Variants in HEXB observed in about 807,000 individuals in gnomAD.
The protein encoded by HEXB is hexosaminidase subunit beta, also known as beta-hexosaminidase subunit beta.
Under a neutral mutation model 71.2 loss-of-function variants are expected in HEXB, and 51 were observed. The ratio of observed to expected loss-of-function variants is 0.72; its 90% confidence interval spans 0.57 to 0.90. HEXB has a LOEUF of 0.90. Ranked by LOEUF, HEXB falls within the 40% of genes least tolerant of loss-of-function variation. The probability of loss-of-function intolerance (pLI) is 0.00; values close to 1 mark genes in which losing one functional copy is unlikely to be tolerated. For synonymous variants in HEXB, 266 were observed against 249.3 expected (o/e 1.07, Z -0.63); for missense variants, 617 against 677.0 (o/e 0.91, Z 0.98).
At chr5:74,674,738 G>A (rs978601700) in intron 1 of HEXB, among the ~76,000 whole-genome samples, 2 of 152,038 alleles carry the variant, frequency 1.3e-5, no homozygotes, top group Non-Finnish European at 2.9e-5. Flanking sequence ...GAAGTTGTAA[G>A]CATATGTGAT....
intron 1 of HEXB, among the ~76,000 whole-genome samples, chr5:74,650,787 G>A (rs184298355): frequency 2.6e-4 from 39 of 151,876 alleles, no homozygotes; most frequent in Non-Finnish European, 4.0e-4. Flanking sequence ...TTAGCTGGGC[G>A]TGGTGGTGGG....
chr5:74,682,327 C>T (rs2112117179), upstream of HEXB, among the ~76,000 whole-genome samples: 1 of 152,328 alleles, frequency 6.6e-6, no homozygotes, highest in Non-Finnish European at 1.5e-5. Flanking sequence ...CACTGCGCCC[C>T]AGCCTGGGCG....
At chr5:74,645,955 A>AT (rs11413881) in intron 1 of HEXB, among the ~76,000 whole-genome samples, 122,493 of 150,992 alleles carry the variant, frequency 0.81, 50,073 homozygotes, top group African/African-American at 0.92. Context: ...TCTGCATACT[A>AT]TTTTTTTTTA....
chr5:74,663,443 G>A (rs574257618), intron 1 of HEXB, among the ~76,000 whole-genome samples: 13 of 152,136 alleles, frequency 8.5e-5, no homozygotes, highest in African/African-American at 2.4e-4. Context: ...CACCCGCCTC[G>A]GCCTCCCAAA....
chr5:74,693,209 T>C (rs2112135251), intron 2 of HEXB, among the ~76,000 whole-genome samples: 1 of 152,294 alleles, frequency 6.6e-6, no homozygotes, highest in East Asian at 1.9e-4. Flanking sequence ...CAAGGATTAG[T>C]AGGAACTGAG....
At chr5:74,678,273 G>T (rs565363461) in intron 1 of HEXB, among the ~76,000 whole-genome samples, 1 of 151,672 alleles carries the variant, frequency 6.6e-6, no homozygotes, top group East Asian at 1.9e-4. Flanking sequence ...ACTCCAGCCT[G>T]GGCAACAAGA....
chr5:74,685,868 G>T (rs1441892351), intron 1 of HEXB, among the ~76,000 whole-genome samples: 1 of 152,102 alleles, frequency 6.6e-6, no homozygotes, highest in Non-Finnish European at 1.5e-5. Flanking sequence ...GAGCTGGGGA[G>T]GAAAGTGACA....
intron 6 of HEXB, among the ~76,000 whole-genome samples, chr5:74,712,044 A>G (rs1397673382): frequency 6.8e-6 from 1 of 146,452 alleles, no homozygotes; most frequent in Non-Finnish European, 1.5e-5. Context: ...ATGTCCAACA[A>G]TGATAGACTG....
At chr5:74,679,539 G>A (rs1748699089) in intron 1 of HEXB, among the ~76,000 whole-genome samples, 2 of 152,116 alleles carry the variant, frequency 1.3e-5, no homozygotes, top group South Asian at 2.1e-4. Flanking sequence ...GGTGGCTCAT[G>A]CCTATAATTC....
At chr5:74,714,626 A>T (rs904348959) in intron 7 of HEXB, among the ~76,000 whole-genome samples, 7 of 152,202 alleles carry the variant, frequency 4.6e-5, no homozygotes, top group Non-Finnish European at 7.3e-5. Context: ...CTGCCATTAT[A>T]AACTAGGTGA....
At chr5:74,697,658 G>T (rs533329098) in intron 5 of HEXB, among the ~76,000 whole-genome samples, 3 of 150,506 alleles carry the variant, frequency 2.0e-5, no homozygotes, top group African/African-American at 7.3e-5. Context: ...CCCTCCCCGG[G>T]TGGAGGTTGC....
intron 11 of HEXB, among the ~76,000 whole-genome samples, chr5:74,719,287 T>A (rs1216836535): frequency 6.6e-6 from 1 of 152,182 alleles, no homozygotes; most frequent in Admixed American, 6.5e-5. Flanking sequence ...TCTAAAGGTA[T>A]TTGATTGCAT....
upstream of HEXB, chr5:74,685,199 G>A (rs1045177384): frequency 1.4e-5 from 20 of 1,437,708 alleles, no homozygotes; most frequent in Non-Finnish European, 1.8e-5. Context: ...ATCCGGGCCG[G>A]GCGGGAAGTC....
At chr5:74,655,394 C>A (rs1748199735) in intron 1 of HEXB, among the ~76,000 whole-genome samples, 1 of 147,380 alleles carries the variant, frequency 6.8e-6, no homozygotes, top group African/African-American at 2.5e-5. Context: ...GCCACTGCAA[C>A]CTCCATATAC....
intron 1 of HEXB, among the ~76,000 whole-genome samples, chr5:74,643,761 A>G (rs1561198309): frequency 6.6e-6 from 1 of 152,204 alleles, no homozygotes; most frequent in Non-Finnish European, 1.5e-5. Flanking sequence ...CGGTGCGATC[A>G]TGGTACCAGG....
intron 1 of HEXB, among the ~76,000 whole-genome samples, chr5:74,667,240 C>T (rs1314171848): frequency 7.1e-6 from 1 of 140,756 alleles, no homozygotes; most frequent in African/African-American, 2.7e-5. Context: ...AATGGAGAAA[C>T]CCTGCTCTAC....
chr5:74,641,608 G>A lies in HEXB; in HGVS notation c.-377+1050G>A, dbSNP rs1747891933. Among the ~76,000 whole-genome samples, 1 of 152,194 alleles carries A rather than the reference G, an allele frequency of 6.6e-6. No homozygotes were observed. Among genetic ancestry groups the A allele is most frequent in the Non-Finnish European group, 1.5e-5 (1 of 68,042 alleles). ...TTCTCCTGTTTTTTATCGCTCGGTG[G>A]TGTTAGTTTGGAGTTCAGTAAAGAA... On this transcript the variant is annotated intron_variant, in intron 1 of 13. Coordinates refer to the HEXB transcript ENST00000511181. This position sits in a 1 kb window ranked among gnomAD's most constrained non-coding sequence, Gnocchi z 4.1.
chr5:74,645,964 T>TA (rs386358191), intron 1 of HEXB, among the ~76,000 whole-genome samples: 1 of 151,692 alleles, frequency 6.6e-6, no homozygotes, highest in Non-Finnish European at 1.5e-5. Context: ...TATTTTTTTT[T>TA]AACAGTTATG....
chr5:74,700,179 T>C (rs993661786), intron 5 of HEXB, among the ~76,000 whole-genome samples: 1 of 151,428 alleles, frequency 6.6e-6, no homozygotes, highest in African/African-American at 2.4e-5. Flanking sequence ...GCTAATTTTT[T>C]GTATTTTTAG....
Sources: allele counts gnomAD v4.1 joint callset (sites outside exome capture counted in the v4.1 genomes callset), GRCh38; gene constraint gnomAD v4.1.1; non-coding constraint Gnocchi (gnomAD v3.1); transcripts MANE v1.5; gene names NCBI Gene and HGNC (gene_info 2026-07-23, HGNC 2026-07-21).